NFIL3: variants seen among roughly 807,000 people sequenced by gnomAD.
NFIL3 encodes the protein nuclear factor, interleukin 3 regulated.
Under a neutral mutation model 10.0 loss-of-function variants are expected in NFIL3, and 5 were observed. The observed-to-expected ratio is 0.50, with a 90% CI of 0.26 to 1.06. The LOEUF (loss-of-function observed/expected upper bound fraction) is 1.06. Among genes scored for constraint, NFIL3 ranks in the 50% least tolerant of loss-of-function variants. NFIL3 has a pLI of 0.13. For synonymous variants in NFIL3, 202 were observed against 206.5 expected (o/e 0.98, Z 0.19); for missense variants, 436 against 547.6 (o/e 0.80, Z 2.03).
chr9:91,470,925 G>A, the NFIL3 span, among the ~76,000 whole-genome samples: 2 of 152,166 alleles, frequency 1.3e-5, no homozygotes, highest in Non-Finnish European at 2.9e-5. Flanking sequence ...TTGCTGAGGA[G>A]TGCTTTACTT....
intron 1 of NFIL3, among the ~76,000 whole-genome samples, chr9:91,422,156 A>C (rs1360191474): frequency 6.6e-6 from 1 of 152,186 alleles, no homozygotes; most frequent in Non-Finnish European, 1.5e-5. Flanking sequence ...GTGTCCTTTA[A>C]AAACATAAAT....
chr9:91,469,990 C>A, the NFIL3 span, among the ~76,000 whole-genome samples: 2 of 152,078 alleles, frequency 1.3e-5, no homozygotes, highest in African/African-American at 2.4e-5. Flanking sequence ...GTGTAAAATT[C>A]TCTTTTTTTG....
At chr9:91,424,503 G>A (rs1009622550), upstream of NFIL3, among the ~76,000 whole-genome samples, 5 of 152,196 alleles carry the variant, frequency 3.3e-5, no homozygotes, top group Admixed American at 6.5e-5. Context: ...GCGCGGCCGG[G>A]CAGCTGCGCA....
At chr9:91,452,828 C>T in the NFIL3 span, among the ~76,000 whole-genome samples, 1 of 149,952 alleles carries the variant, frequency 6.7e-6, no homozygotes, top group Admixed American at 6.6e-5. Context: ...ACCTCAACCA[C>T]CTTGGGCACA....
At chr9:91,476,121 G>A in the NFIL3 span, among the ~76,000 whole-genome samples, 1 of 152,180 alleles carries the variant, frequency 6.6e-6, no homozygotes, top group Admixed American at 6.5e-5. Context: ...TTTGAGCATG[G>A]AAGATAATGT....
At chr9:91,460,831 C>T in the NFIL3 span, among the ~76,000 whole-genome samples, 1 of 152,066 alleles carries the variant, frequency 6.6e-6, no homozygotes, top group Non-Finnish European at 1.5e-5. Flanking sequence ...CATTGGGCAC[C>T]CTCTGAAAGG....
At chr9:91,414,648 A>T (rs1833617763) in intron 1 of NFIL3, among the ~76,000 whole-genome samples, 1 of 152,250 alleles carries the variant, frequency 6.6e-6, no homozygotes, top group African/African-American at 2.4e-5. Context: ...TGTATGTATT[A>T]CATTCATGGT....
At chr9:91,435,557 G>A in the NFIL3 span, among the ~76,000 whole-genome samples, 2 of 152,158 alleles carry the variant, frequency 1.3e-5, no homozygotes, top group South Asian at 2.1e-4. Flanking sequence ...TGCCTCTAGA[G>A]GCTGGATGAT....
the NFIL3 span, among the ~76,000 whole-genome samples, chr9:91,461,487 A>G: frequency 6.6e-6 from 1 of 152,152 alleles, no homozygotes; most frequent in South Asian, 2.1e-4. Flanking sequence ...AAAACAACAG[A>G]AATGTATTCA....
chr9:91,424,600 C>G (rs1254970278), upstream of NFIL3, among the ~76,000 whole-genome samples: 1 of 152,210 alleles, frequency 6.6e-6, no homozygotes, highest in Admixed American at 6.5e-5. Context: ...GAAAGCTCCA[C>G]GCACAAACAC....
the NFIL3 span, among the ~76,000 whole-genome samples, chr9:91,465,185 C>T: frequency 2.0e-5 from 3 of 152,072 alleles, no homozygotes; most frequent in African/African-American, 4.8e-5. Context: ...ATTTCTTCTT[C>T]TCTGTACCTT....
At chr9:91,467,878 A>G in the NFIL3 span, among the ~76,000 whole-genome samples, 1 of 152,104 alleles carries the variant, frequency 6.6e-6, no homozygotes, top group Non-Finnish European at 1.5e-5. Flanking sequence ...ATCCTTTTTT[A>G]TGGCTGCATA....
At chr9:91,423,535 G>T in intron 1 of NFIL3, 105 bp downstream of exon 1, 1 of 150,650 alleles carries the variant, frequency 6.6e-6, no homozygotes, top group South Asian at 1.9e-4. Flanking sequence ...CTTACAGCCC[G>T]ACCCCGCACA....
the NFIL3 span, among the ~76,000 whole-genome samples, chr9:91,446,422 G>C: frequency 6.6e-6 from 1 of 152,148 alleles, no homozygotes; most frequent in Non-Finnish European, 1.5e-5. Flanking sequence ...TTTTGTGTGT[G>C]TTGCAAGGCA....
At chr9:91,430,155 T>G in the NFIL3 span, among the ~76,000 whole-genome samples, 3,210 of 152,290 alleles carry the variant, frequency 0.021, 122 homozygotes, top group African/African-American at 0.073. Context: ...TGCGTATGTG[T>G]GTGCGTGTCC....
the NFIL3 span, among the ~76,000 whole-genome samples, chr9:91,466,849 C>T: frequency 6.6e-6 from 1 of 152,204 alleles, no homozygotes; most frequent in South Asian, 2.1e-4. Flanking sequence ...CCATGATACT[C>T]GGATATTTAG....
the NFIL3 span, among the ~76,000 whole-genome samples, chr9:91,472,437 G>A: frequency 1.4e-3 from 216 of 151,926 alleles, no homozygotes; most frequent in Middle Eastern, 3.4e-3. Flanking sequence ...TTCTCTTCTC[G>A]CTTCATTTCA....
the NFIL3 span, among the ~76,000 whole-genome samples, chr9:91,432,049 G>C: frequency 6.6e-6 from 1 of 152,104 alleles, no homozygotes; most frequent in African/African-American, 2.4e-5. Context: ...TTACAGATGG[G>C]CACCTCCCAT....
At chr9:91,468,770 C>A in the NFIL3 span, among the ~76,000 whole-genome samples, 1 of 152,178 alleles carries the variant, frequency 6.6e-6, no homozygotes, top group African/African-American at 2.4e-5. Flanking sequence ...AGCCAGTTTT[C>A]CCAGCACCAT....
Sources: allele counts gnomAD v4.1 joint callset (sites outside exome capture counted in the v4.1 genomes callset), GRCh38; gene constraint gnomAD v4.1.1; transcripts MANE v1.5; gene names NCBI Gene and HGNC (gene_info 2026-07-23, HGNC 2026-07-21).